The following SBF2 variants were observed in gnomAD, a reference collection of about 807,000 sequenced individuals.
SBF2 encodes SET binding factor 2, also known as myotubularin-related protein 13.
SBF2 carries 112 observed loss-of-function variants against 225.2 expected under a neutral mutation model. The observed-to-expected ratio is 0.50, with a 90% CI of 0.43 to 0.58. The LOEUF (loss-of-function observed/expected upper bound fraction) is 0.58, where lower values mean the gene tolerates loss of function less well. Among genes scored for constraint, SBF2 ranks in the 20% least tolerant of loss-of-function variants. The pLI is 0.00. For synonymous variants in SBF2, 763 were observed against 773.3 expected (o/e 0.99, Z 0.22); for missense variants, 1,996 against 2,206.2 (o/e 0.90, Z 1.91).
upstream of SBF2, among the ~76,000 whole-genome samples, chr11:10,298,678 C>T (rs569231910): frequency 3.3e-5 from 5 of 152,302 alleles, no homozygotes; most frequent in African/African-American, 9.6e-5. Flanking sequence ...TGATCCATTG[C>T]TATATTTTCA....
chr11:10,077,668 TA>T (rs1951175089), intron 2 of SBF2, among the ~76,000 whole-genome samples: 2 of 152,236 alleles, frequency 1.3e-5, no homozygotes, highest in South Asian at 4.1e-4. Context: ...ATGTTAGACA[TA>T]AAACCATTAA....
intron 1 of SBF2, among the ~76,000 whole-genome samples, chr11:10,267,557 T>A (rs1041418349): frequency 1.3e-5 from 2 of 152,172 alleles, no homozygotes; most frequent in African/African-American, 2.4e-5. Context: ...GAGGTTTGAA[T>A]GAGCCAGATA....
chr11:9,993,041 G>A lies in SBF2; in HGVS notation c.1116C>T (p.Ser372=). Residue 372 remains serine, a synonymous_variant, in exon 11 of 40, where the codon TCC becomes TCT. Coordinates refer to ENST00000256190, the MANE Select transcript of SBF2 (RefSeq NM_030962.4). ...LFAQLFQGYR[S]CLQLIRIHAE... ...CATGAATTCTTATAAGTTGCAGGCA[G>A]GATCTATATCCTTGGAAGAGTTGTG... 2 of 1,612,862 alleles carry A rather than the reference G, an allele frequency of 1.2e-6. No individual in the cohort carries two copies. The highest frequency in any genetic ancestry group is 1.7e-6 in the Non-Finnish European group (2 of 1,179,740).
chr11:9,895,049 C>T (rs1423089922), intron 17 of SBF2, among the ~76,000 whole-genome samples: 1 of 152,136 alleles, frequency 6.6e-6, no homozygotes, highest in African/African-American at 2.4e-5. Flanking sequence ...GTTTCTGGCT[C>T]CTGACTAGAC....
chr11:9,803,581 A>G (rs1026837892), intron 32 of SBF2, among the ~76,000 whole-genome samples: 1 of 152,178 alleles, frequency 6.6e-6, no homozygotes, highest in African/African-American at 2.4e-5. Context: ...TGTATCTTAC[A>G]TGAGAACCTC....
chr11:9,993,832 C>A, intron 10 of SBF2, 89 bp downstream of exon 10: 1 of 1,362,062 alleles, frequency 7.3e-7, no homozygotes, highest in Non-Finnish European at 1.0e-6. Context: ...GTCCATCTAA[C>A]TCTAACTTCA....
At chr11:9,905,975 G>T (rs142792795) in intron 16 of SBF2, among the ~76,000 whole-genome samples, 3 of 151,484 alleles carry the variant, frequency 2.0e-5, no homozygotes, top group African/African-American at 7.3e-5. Flanking sequence ...GGAAAACACC[G>T]CACCTTTTTC....
intron 1 of SBF2, among the ~76,000 whole-genome samples, chr11:10,222,060 C>CA (rs925409843): frequency 4.3e-4 from 65 of 152,312 alleles, no homozygotes; most frequent in Non-Finnish European, 7.1e-4. Context: ...GGACAGACTG[C>CA]AAGCAGTCCA....
intron 2 of SBF2, among the ~76,000 whole-genome samples, chr11:10,163,519 C>T (rs1362397738): frequency 6.6e-6 from 1 of 152,080 alleles, no homozygotes; most frequent in Non-Finnish European, 1.5e-5. Flanking sequence ...TACTTTTATG[C>T]TTACTATATA....
intron 16 of SBF2, among the ~76,000 whole-genome samples, chr11:9,933,628 C>A (rs958389953): frequency 6.6e-6 from 1 of 152,202 alleles, no homozygotes; most frequent in Middle Eastern, 3.4e-3. Context: ...AAAGACACAA[C>A]GTATCAGAAT....
At chr11:10,260,174 A>G (rs1961283463) in intron 1 of SBF2, among the ~76,000 whole-genome samples, 1 of 152,196 alleles carries the variant, frequency 6.6e-6, no homozygotes, top group African/African-American at 2.4e-5. Context: ...TTTGCCCCCA[A>G]CCCATAATGT....
chr11:10,191,000 T>A (rs750858605), intron 2 of SBF2, among the ~76,000 whole-genome samples: 1 of 152,202 alleles, frequency 6.6e-6, no homozygotes, highest in Non-Finnish European at 1.5e-5. Context: ...GTAAAGTTAT[T>A]TAAATTTCCT....
chr11:9,780,427 A>G lies in SBF2; in HGVS notation c.5541T>C (p.Ser1847=), dbSNP rs752701050. The change falls in exon 40 of 40, where the codon TCT becomes TCC. Residue 1847 remains serine, a synonymous_variant. Transcript: ENST00000256190. The part of the protein sequence containing the change: ...QWMDKIQSCI[S]DA ...GGGTTGACCATGGGCATCAGGCATCAGAGATACAACTCTGGATCTTGTCCA... is the reference window on the plus strand; with the variant it reads ...GGGTTGACCATGGGCATCAGGCATCGGAGATACAACTCTGGATCTTGTCCA... 6.2e-7 allele frequency: 1 copy of G among 1,613,776 alleles called. No homozygotes were observed. The highest frequency in any genetic ancestry group is 2.2e-5 in the East Asian group (1 of 44,880).
intron 2 of SBF2, among the ~76,000 whole-genome samples, chr11:10,181,894 A>G (rs899103427): frequency 9.2e-5 from 14 of 152,326 alleles, no homozygotes; most frequent in African/African-American, 2.9e-4. Context: ...CTTTTCTTCA[A>G]TAAATACACA....
chr11:10,264,474 T>C (rs1961744004), intron 1 of SBF2, among the ~76,000 whole-genome samples: 1 of 152,166 alleles, frequency 6.6e-6, no homozygotes, highest in Admixed American at 6.5e-5. Flanking sequence ...CAATATTAAT[T>C]CAATATGTAT....
intron 38 of SBF2, 105 bp from the exon 39 acceptor site, chr11:9,781,743 G>T: frequency 7.8e-7 from 1 of 1,274,274 alleles, no homozygotes; most frequent in Non-Finnish European, 1.1e-6. Flanking sequence ...GGTTATATAT[G>T]CTGAACTATG....
intron 1 of SBF2, among the ~76,000 whole-genome samples, chr11:10,208,817 GA>G (rs901841997): frequency 3.3e-5 from 5 of 151,632 alleles, no homozygotes; most frequent in Non-Finnish European, 2.9e-5. Context: ...GATCCTTTCA[GA>G]AAAAAAATAC....
intron 12 of SBF2, 124 bp downstream of exon 12, chr11:9,992,291 C>T (rs1947473815): frequency 5.6e-6 from 4 of 714,520 alleles, no homozygotes; most frequent in South Asian, 5.1e-5. Context: ...TAATAAATAA[C>T]ATTGGGATTA....
intron 7 of SBF2, 37 bp from the exon 8 acceptor site, chr11:10,001,059 C>A: frequency 2.7e-6 from 3 of 1,096,278 alleles, no homozygotes; most frequent in Non-Finnish European, 4.2e-6. Flanking sequence ...ATATATTTTT[C>A]TTTAACATAA....
Sources: allele counts gnomAD v4.1 joint callset (sites outside exome capture counted in the v4.1 genomes callset), GRCh38; gene constraint gnomAD v4.1.1; transcripts MANE v1.5; gene names NCBI Gene and HGNC (gene_info 2026-07-23, HGNC 2026-07-21).